PTGR1: variants seen among roughly 807,000 people sequenced by gnomAD.
PTGR1 encodes 15-oxoprostaglandin 13-reductase.
Under a neutral mutation model 37.7 loss-of-function variants are expected in PTGR1, and 23 were observed. The ratio of observed to expected loss-of-function variants is 0.61; its 90% CI spans 0.44 to 0.86. The LOEUF (loss-of-function observed/expected upper bound fraction) is 0.86, where lower values mean the gene tolerates loss of function less well. Ranked by LOEUF, PTGR1 falls within the 40% of genes least tolerant of loss-of-function variation. The pLI is 0.00. For synonymous variants in PTGR1, 134 were observed against 140.0 expected, an observed-to-expected ratio of 0.96 and a Z score of 0.30; for missense variants, 351 against 394.3, an observed-to-expected ratio of 0.89 and a Z score of 0.93.
intron 8 of PTGR1, among the ~76,000 whole-genome samples, chr9:111,570,468 C>A (rs1229615479): frequency 6.6e-6 from 1 of 152,056 alleles, no homozygotes; most frequent in African/African-American, 2.4e-5. Context: ...AAGGACTTTG[C>A]AGATATGATT....
At chr9:111,584,221 A>G (rs1829364643) in intron 5 of PTGR1, among the ~76,000 whole-genome samples, 1 of 152,192 alleles carries the variant, frequency 6.6e-6, no homozygotes, top group Non-Finnish European at 1.5e-5. Flanking sequence ...TTGGATTGCG[A>G]GTTTGGAAGG....
chr9:111,558,363 G>A (rs1828183622), downstream of PTGR1, among the ~76,000 whole-genome samples: 1 of 151,954 alleles, frequency 6.6e-6, no homozygotes. Context: ...TATTCTTTGA[G>A]CACTTCTTTG....
Position 111,578,956 on chromosome 9 carries a change from G to GA in PTGR1, c.496-6_496-5insT. On this transcript the variant is annotated splice_polypyrimidine_tract_variant and splice_region_variant and intron_variant, in intron 6 of 9. Transcript: ENST00000407693. ...TGCTCCAACAACTTTGCAGCCCTAA[G>GA]TAGAAAAAAAAAAAAAAAGGAAACC... is the stretch of plus-strand genomic sequence containing the variant. 3.4e-6 allele frequency: 5 copies of GA among 1,475,398 alleles called. No individual in the cohort carries two copies. The highest frequency in any genetic ancestry group is 2.5e-5 in the Admixed American group (1 of 40,612). The allele number at this position is 1,475,398 out of a possible 1,614,324, so 91.4% of individuals were successfully genotyped here.
chr9:111,594,598 T>C (rs532023258), intron 2 of PTGR1, among the ~76,000 whole-genome samples: 3 of 141,074 alleles, frequency 2.1e-5, no homozygotes, highest in East Asian at 4.2e-4. Flanking sequence ...TCACCCAGGC[T>C]GGAGTGCAGT....
chr9:111,588,604 CA>C, intron 4 of PTGR1, among the ~76,000 whole-genome samples: 1 of 151,988 alleles, frequency 6.6e-6, no homozygotes, highest in East Asian at 1.9e-4. Flanking sequence ...CAGCTCACTG[CA>C]ACCTCCGCCT....
intron 5 of PTGR1, among the ~76,000 whole-genome samples, chr9:111,583,989 C>T (rs1198940821): frequency 6.6e-6 from 1 of 152,170 alleles, no homozygotes; most frequent in Non-Finnish European, 1.5e-5. Flanking sequence ...GCGACATAGC[C>T]ACAGAGTAGC....
intron 4 of PTGR1, chr9:111,592,348 T>C (rs1040310812): frequency 2.0e-5 from 3 of 152,294 alleles, no homozygotes; most frequent in African/African-American, 7.2e-5. Flanking sequence ...TTGTAAATTC[T>C]TATCTCTGTA....
downstream of PTGR1, among the ~76,000 whole-genome samples, chr9:111,558,353 T>C (rs1428447605): frequency 6.6e-6 from 1 of 152,112 alleles, no homozygotes. Context: ...ATGACTTCAT[T>C]ATTCTTTGAG....
At chr9:111,573,830 TCA>T (rs1491351240) in intron 8 of PTGR1, among the ~76,000 whole-genome samples, 13 of 152,222 alleles carry the variant, frequency 8.5e-5, no homozygotes, top group African/African-American at 3.1e-4. Flanking sequence ...CTTTTGGACC[TCA>T]GAGTGTGGAG....
rs1266664371 is a variant in PTGR1, at chr9:111,598,598, G to A, written c.-11+1005C>T. Reference sequence around the variant, plus strand: ...CAACCTCCGTCTCCCGGGTTCAAGCGGTTCTCCTGTCTCAGCCTCCTGAGT... The same window carrying A: ...CAACCTCCGTCTCCCGGGTTCAAGCAGTTCTCCTGTCTCAGCCTCCTGAGT... On this transcript the variant is annotated intron_variant, in intron 1 of 9. Coordinates refer to ENST00000407693, the MANE Select transcript of PTGR1 (RefSeq NM_001146108.2). Among the ~76,000 whole-genome samples the A allele has an allele frequency of 2.0e-5, 3 of 152,112 alleles. No individual in the cohort carries two copies. In the East Asian group the frequency reaches 5.8e-4, roughly 29 times the overall value.
Position 111,562,927 on chromosome 9 carries a change from GGTT to G in PTGR1, c.*191_*193del, listed in dbSNP as rs1475471182. On this transcript the variant is annotated 3_prime_UTR_variant, in exon 10 of 10. Coordinates refer to ENST00000407693, the MANE Select transcript of PTGR1 (RefSeq NM_001146108.2). ...AGCTGTAGTGAACAGTGAGGTGACTGGTTGTTGTTGACTTTGAAACTTCCATCC... is the reference window on the plus strand; with the variant it reads ...AGCTGTAGTGAACAGTGAGGTGACTGGTTGTTGACTTTGAAACTTCCATCC... 3.8e-5 allele frequency: 53 copies of G among 1,379,266 alleles called. No homozygotes were observed. In the East Asian group the frequency reaches 1.3e-3, roughly 35 times the overall value. The allele number at this position is 1,379,266 out of a possible 1,614,324, so 85.4% of individuals were successfully genotyped here.
At chr9:111,598,581 G>C (rs1007491444) in intron 1 of PTGR1, among the ~76,000 whole-genome samples, 4 of 152,080 alleles carry the variant, frequency 2.6e-5, no homozygotes, top group Non-Finnish European at 5.9e-5. Context: ...TGCAACCTCC[G>C]TCTCCCGGGT....
downstream of PTGR1, among the ~76,000 whole-genome samples, chr9:111,561,803 C>T (rs1828330885): frequency 6.6e-6 from 1 of 151,808 alleles, no homozygotes; most frequent in Non-Finnish European, 1.5e-5. Flanking sequence ...CTTAAGACTT[C>T]AAAATCACTG....
chr9:111,557,310 G>A (rs1828152436), intron 9 of PTGR1, among the ~76,000 whole-genome samples: 1 of 151,748 alleles, frequency 6.6e-6, no homozygotes, highest in Non-Finnish European at 1.5e-5. Context: ...GGAGGCAGAG[G>A]TTGCAGTGAG....
downstream of PTGR1, among the ~76,000 whole-genome samples, chr9:111,559,501 A>G (rs980567781): frequency 6.6e-6 from 1 of 151,976 alleles, no homozygotes; most frequent in Non-Finnish European, 1.5e-5. Context: ...GACTCAAGCC[A>G]TGTTCATTTT....
intron 4 of PTGR1, 64 bp from the exon 5 acceptor site, chr9:111,586,229 G>T: frequency 6.5e-7 from 1 of 1,528,650 alleles, no homozygotes; most frequent in Non-Finnish European, 9.0e-7. Flanking sequence ...AAGGGAGTCA[G>T]GATGCTGTGT....
intron 9 of PTGR1, among the ~76,000 whole-genome samples, chr9:111,556,631 A>C (rs7027778): frequency 6.6e-6 from 1 of 152,030 alleles, no homozygotes; most frequent in Non-Finnish European, 1.5e-5. Context: ...TTTGTATCCA[A>C]TGCTGCGGGA....
At chr9:111,567,352 T>C (rs1232734680) in intron 9 of PTGR1, among the ~76,000 whole-genome samples, 1 of 152,134 alleles carries the variant, frequency 6.6e-6, no homozygotes, top group Non-Finnish European at 1.5e-5. Flanking sequence ...CATGCCCAGC[T>C]AATTTTTGTA....
At chr9:111,592,760 A>T in intron 4 of PTGR1, 166 bp downstream of exon 4, 2 of 910,034 alleles carry the variant, frequency 2.2e-6, no homozygotes, top group Non-Finnish European at 3.1e-6. Flanking sequence ...CCTCCTTTCC[A>T]GCTAGTTAGG....
Sources: gnomAD v4.1 joint callset for allele counts (sites outside exome capture counted in the v4.1 genomes callset) on GRCh38, gnomAD v4.1.1 for gene constraint, MANE v1.5 for transcripts, NCBI Gene and HGNC (gene_info 2026-07-23, HGNC 2026-07-21) for gene names.